The following TMPRSS11A variants were observed in gnomAD, a reference collection of about 807,000 sequenced individuals.
TMPRSS11A encodes the protein transmembrane serine protease 11A.
A neutral mutation model predicts 58.9 loss-of-function variants in TMPRSS11A; 53 were observed. The observed-to-expected ratio is 0.90, with a 90% CI of 0.72 to 1.13. TMPRSS11A has a LOEUF of 1.13. Among genes scored for constraint, TMPRSS11A ranks in the 50% most tolerant of loss-of-function variants. The pLI is 0.00. For synonymous variants in TMPRSS11A, 167 were observed against 169.8 expected (o/e 0.98, Z 0.13); for missense variants, 493 against 499.3 (o/e 0.99, Z 0.12).
intron 5 of TMPRSS11A, among the ~76,000 whole-genome samples, chr4:67,926,721 C>T (rs1313261698): frequency 6.6e-6 from 1 of 152,188 alleles, no homozygotes; most frequent in Admixed American, 6.5e-5. Context: ...CCCCCAGAGC[C>T]TGCCACCCTG....
chr4:67,940,614 A>C (rs1448338788), intron 3 of TMPRSS11A, among the ~76,000 whole-genome samples: 1 of 151,958 alleles, frequency 6.6e-6, no homozygotes, highest in Non-Finnish European at 1.5e-5. Flanking sequence ...GATCGTGCTT[A>C]TTTGTATCTT....
chr4:67,962,707 A>G (rs1560577533), intron 1 of TMPRSS11A, among the ~76,000 whole-genome samples: 1 of 152,234 alleles, frequency 6.6e-6, no homozygotes. Flanking sequence ...TTTTAACTGT[A>G]TATAAAGTTA....
In TMPRSS11A at chr4:67,914,578, T is replaced by C; in HGVS notation, c.1095+10A>G. On this transcript the variant is annotated intron_variant, in intron 9 of 9. Transcript: ENST00000508048. ...TGAGTTAGTAATATAAAAAAATCCC[T>C]CCAACTTACCCTGCAGGCATCATAA... 2 of 1,612,272 alleles carry C rather than the reference T, an allele frequency of 1.2e-6. No homozygotes were observed. Among genetic ancestry groups the C allele is most frequent in the East Asian group, 2.2e-5 (1 of 44,760 alleles).
chr4:67,933,611 A>G (rs2109751370), intron 3 of TMPRSS11A, among the ~76,000 whole-genome samples: 1 of 152,330 alleles, frequency 6.6e-6, no homozygotes, highest in South Asian at 2.1e-4. Flanking sequence ...AAATAAAGAA[A>G]GCCCCATTTA....
chr4:67,960,240 C>G (rs921090097), intron 1 of TMPRSS11A, among the ~76,000 whole-genome samples: 2 of 152,186 alleles, frequency 1.3e-5, no homozygotes, highest in South Asian at 4.2e-4. Flanking sequence ...TGCAATATAT[C>G]TATGTAACAA....
intron 5 of TMPRSS11A, among the ~76,000 whole-genome samples, chr4:67,926,865 T>G (rs1316982243): frequency 2.0e-5 from 3 of 152,112 alleles, no homozygotes; most frequent in Non-Finnish European, 4.4e-5. Context: ...TGGGAGACCA[T>G]GGGACTACCT....
At chr4:67,922,421 A>G (rs894806103) in intron 7 of TMPRSS11A, among the ~76,000 whole-genome samples, 1 of 152,212 alleles carries the variant, frequency 6.6e-6, no homozygotes, top group Non-Finnish European at 1.5e-5. Context: ...ACTAGTTTTA[A>G]GTGGAGAGCA....
chr4:67,955,889 TAAC>T (rs758186683), intron 1 of TMPRSS11A, among the ~76,000 whole-genome samples: 2 of 152,186 alleles, frequency 1.3e-5, no homozygotes, highest in Non-Finnish European at 2.9e-5. Context: ...ATAATGCAAA[TAAC>T]AAATTTCCAT....
intron 7 of TMPRSS11A, 52 bp from the exon 8 acceptor site, chr4:67,919,284 G>C: frequency 6.6e-7 from 1 of 1,526,644 alleles, no homozygotes; most frequent in South Asian, 1.2e-5. Flanking sequence ...CAAAGTATAT[G>C]AGCTAGATTA....
chr4:67,938,276 TGTTTAA>T (rs1173714732), intron 3 of TMPRSS11A, among the ~76,000 whole-genome samples: 1 of 152,168 alleles, frequency 6.6e-6, no homozygotes, highest in Non-Finnish European at 1.5e-5. Flanking sequence ...CTTGTTGAGT[TGTTTAA>T]GTTCTTTACA....
chr4:67,952,897 T>G (rs73823384), intron 1 of TMPRSS11A, among the ~76,000 whole-genome samples: 2,001 of 152,218 alleles, frequency 0.013, 52 homozygotes, highest in African/African-American at 0.046. Flanking sequence ...CACATTCAGA[T>G]AGATTTGGAA....
intron 1 of TMPRSS11A, among the ~76,000 whole-genome samples, chr4:67,950,397 T>A (rs986782640): frequency 1.3e-5 from 2 of 152,210 alleles, no homozygotes; most frequent in African/African-American, 4.8e-5. Context: ...TTCCCTCACA[T>A]CAAATCTCTC....
Position 67,939,065 on chromosome 4 carries a change from CATTT to C in TMPRSS11A, c.252+5450_252+5453del, listed in dbSNP as rs370428706. Among the ~76,000 whole-genome samples, 75 of 152,142 alleles carry C rather than the reference CATTT, an allele frequency of 4.9e-4. 1 individual carries two copies. The South Asian group carries it at 0.013, about 26-fold the overall frequency. On this transcript the variant is annotated intron_variant, in intron 3 of 9. Transcript: ENST00000508048. ...CATGAGCATGGAATGTTTTTGCATT[CATTT>C]GTGTCATCTCCGATTTCTTTCAATA...
At chr4:67,959,791 C>A (rs373766766) in intron 1 of TMPRSS11A, among the ~76,000 whole-genome samples, 1 of 152,138 alleles carries the variant, frequency 6.6e-6, no homozygotes, top group Non-Finnish European at 1.5e-5. Context: ...TAAGACAGAA[C>A]TATTTAACAC....
intron 1 of TMPRSS11A, among the ~76,000 whole-genome samples, chr4:67,953,167 A>T (rs1455843876): frequency 1.3e-5 from 2 of 152,108 alleles, no homozygotes; most frequent in Non-Finnish European, 2.9e-5. Context: ...GGTAATGCTC[A>T]CTTGCCTACT....
intron 9 of TMPRSS11A, among the ~76,000 whole-genome samples, chr4:67,912,854 A>T (rs1720021624): frequency 6.6e-6 from 1 of 152,180 alleles, no homozygotes; most frequent in Non-Finnish European, 1.5e-5. Context: ...TAAGCTTCAG[A>T]ACTAGGAGCA....
chr4:67,954,427 T>A lies in TMPRSS11A; in HGVS notation c.12-7856A>T, dbSNP rs148923746. On this transcript the variant is annotated intron_variant, in intron 1 of 9. Coordinates refer to ENST00000508048, the MANE Select transcript of TMPRSS11A (RefSeq NM_001114387.2). ...TTGTAGCCCTGTCTTTCCTCTAGCA[T>A]CCATCTGACCCTAATCAGTGAAATT... Among the ~76,000 whole-genome samples, 139 of 152,316 alleles carry A rather than the reference T, an allele frequency of 9.1e-4. 1 individual carries two copies. The highest frequency in any genetic ancestry group is 3.2e-3 in the African/African-American group (134 of 41,556).
At position 67,957,530 on chromosome 4, in the gene TMPRSS11A, T is replaced by C. The variant is rs1577874263; in HGVS notation, c.11+5853A>G. Among the ~76,000 whole-genome samples, 4 of 152,200 alleles carry C rather than the reference T, an allele frequency of 2.6e-5. No individual in the cohort carries two copies. The South Asian group carries it at 8.3e-4, about 32-fold the overall frequency. On this transcript the variant is annotated intron_variant, in intron 1 of 9. Transcript: ENST00000508048. Reference sequence around the variant, plus strand: ...GGAACTTTGAACTTGAGAGAGATGATTTAGGGTATCTGGAGAAAGAAATTT... The same window carrying C: ...GGAACTTTGAACTTGAGAGAGATGACTTAGGGTATCTGGAGAAAGAAATTT...
At position 67,911,353 on chromosome 4, in the gene TMPRSS11A, T is replaced by G; in HGVS notation, c.1246A>C (p.Thr416Pro). ...TYYRNWIASK[T>P]GI Reference sequence around the variant, plus strand: ...ACTTTTATCGTGAATTAGATGCCTGTTTTTGAAGCAATCCAGTTTCGGTAA... The same window carrying G: ...ACTTTTATCGTGAATTAGATGCCTGGTTTTGAAGCAATCCAGTTTCGGTAA... Residue 416 changes from threonine to proline, a missense_variant, in exon 10 of 10, where the codon ACA becomes CCA. Thr to Pro is a conservative substitution (Grantham distance 38). Transcript: ENST00000508048. 6.2e-7 allele frequency: 1 copy of G among 1,613,028 alleles called. No homozygotes were observed.
Sources: allele counts gnomAD v4.1 joint callset (sites outside exome capture counted in the v4.1 genomes callset), GRCh38; gene constraint gnomAD v4.1.1; transcripts MANE v1.5; gene names NCBI Gene and HGNC (gene_info 2026-07-23, HGNC 2026-07-21).